The following SNX13 variants were observed in gnomAD, a reference collection of about 807,000 sequenced individuals.
SNX13 encodes the protein sorting nexin 13.
In SNX13, 45 loss-of-function variants were observed where a neutral mutation model predicts 133.6. The ratio of observed to expected loss-of-function variants is 0.34; its 90% CI spans 0.27 to 0.43. SNX13 has a LOEUF of 0.43. Among genes scored for constraint, SNX13 ranks in the 20% least tolerant of loss-of-function variants. The probability of loss-of-function intolerance (pLI) is 1.00; values close to 1 mark genes in which losing one functional copy is unlikely to be tolerated. For missense variants in SNX13, 1,032 were observed against 1,145.1 expected (o/e 0.90, Z 1.43); for synonymous variants, 414 against 373.9 (o/e 1.11, Z -1.24).
intron 13 of SNX13, among the ~76,000 whole-genome samples, chr7:17,839,588 T>C (rs1583431213): frequency 6.6e-6 from 1 of 152,046 alleles, no homozygotes; most frequent in East Asian, 1.9e-4. Context: ...ACCTTGAATC[T>C]TATTCTATCA....
intron 11 of SNX13, among the ~76,000 whole-genome samples, chr7:17,848,088 A>G (rs530606524): frequency 9.9e-5 from 15 of 151,956 alleles, no homozygotes; most frequent in South Asian, 2.1e-4. Flanking sequence ...ATGGCCGCAC[A>G]CCACCCCATC....
intron 18 of SNX13, 106 bp from the exon 19 acceptor site, chr7:17,816,395 C>A (rs1248620469): frequency 7.5e-7 from 1 of 1,334,914 alleles, no homozygotes. Flanking sequence ...GGTGCGGTGG[C>A]TCACGCCTGT....
At chr7:17,856,191 T>C (rs992606792) in intron 9 of SNX13, among the ~76,000 whole-genome samples, 2 of 152,230 alleles carry the variant, frequency 1.3e-5, no homozygotes, top group Non-Finnish European at 2.9e-5. Context: ...AAGTTTAAAG[T>C]TCTTTACAAT....
chr7:17,871,891 AC>A (rs1794163458), intron 8 of SNX13, among the ~76,000 whole-genome samples: 1 of 152,152 alleles, frequency 6.6e-6, no homozygotes, highest in Non-Finnish European at 1.5e-5. Context: ...CTACATGCGA[AC>A]CTATAAGCCT....
chr7:17,927,965 TCA>T (rs1201090638), intron 1 of SNX13, among the ~76,000 whole-genome samples: 1 of 152,114 alleles, frequency 6.6e-6, no homozygotes, highest in Non-Finnish European at 1.5e-5. Flanking sequence ...CAGGCCATAT[TCA>T]CAAATGTCCC....
At chr7:17,825,856 CAAAT>C (rs1201995324) in intron 17 of SNX13, among the ~76,000 whole-genome samples, 162 bp downstream of exon 17, 1 of 151,600 alleles carries the variant, frequency 6.6e-6, no homozygotes, top group East Asian at 1.9e-4. Context: ...AATACATAAG[CAAAT>C]AAATATAGCA....
At position 17,791,518 on chromosome 7, in the gene SNX13, A is replaced by AT. The variant is rs147052684; in HGVS notation, c.*2526dup. On this transcript the variant is annotated 3_prime_UTR_variant, in exon 26 of 26. Coordinates refer to ENST00000428135, the MANE Select transcript of SNX13 (RefSeq NM_015132.5). ...GTGATATATTTAAATAATACAATCA[A>AT]TTTTTTAAGGTGAATAAACTATGAT... The AT allele has an allele frequency of 6.6e-6, 1 of 151,980 alleles. No homozygotes were observed. The highest frequency in any genetic ancestry group is 1.5e-5 in the Non-Finnish European group (1 of 67,902). The allele number at this position is 151,980 out of a possible 1,614,324, so 9.4% of individuals were successfully genotyped here.
intron 5 of SNX13, chr7:17,888,699 T>C (rs1480497188): frequency 2.1e-6 from 1 of 470,774 alleles, no homozygotes; most frequent in Non-Finnish European, 4.4e-6. Flanking sequence ...GACTTTGTTT[T>C]ATTCACTGCT....
chr7:17,838,378 T>C (rs1789403830), intron 13 of SNX13, among the ~76,000 whole-genome samples: 1 of 151,952 alleles, frequency 6.6e-6, no homozygotes, highest in Non-Finnish European at 1.5e-5. Context: ...CATTTTTTCA[T>C]GGCCAGTCTA....
intron 15 of SNX13, chr7:17,832,038 A>G (rs897116368): frequency 2.0e-6 from 2 of 983,676 alleles, no homozygotes; most frequent in African/African-American, 1.8e-5. Context: ...ACAAAATATT[A>G]GAGAGCAATG....
intron 11 of SNX13, among the ~76,000 whole-genome samples, chr7:17,847,319 G>A (rs1254635967): frequency 1.3e-5 from 2 of 151,880 alleles, no homozygotes; most frequent in East Asian, 3.9e-4. Context: ...CTAAATTTAA[G>A]GGTTTTTTTG....
At chr7:17,894,881 A>G (rs1412826237) in intron 2 of SNX13, among the ~76,000 whole-genome samples, 3 of 152,214 alleles carry the variant, frequency 2.0e-5, no homozygotes, top group Non-Finnish European at 2.9e-5. Flanking sequence ...CAGTACAAGT[A>G]TCACAAAAGC....
intron 17 of SNX13, among the ~76,000 whole-genome samples, chr7:17,823,448 T>C (rs893035145): frequency 6.6e-6 from 1 of 152,186 alleles, no homozygotes; most frequent in Admixed American, 6.5e-5. Flanking sequence ...TTTGGTAAAT[T>C]AATAACATAA....
rs566672108 is a variant in SNX13, at chr7:17,908,470, C to A, written c.13-11024G>T. On this transcript the variant is annotated intron_variant, in intron 1 of 25. Coordinates refer to ENST00000428135, the MANE Select transcript of SNX13 (RefSeq NM_015132.5). ...CTAGCAAAAAATTCTATCAAGTTCC[C>A]CTCAAGAACCAGCTGAAATTGTTAT... 2.6e-5 allele frequency among the ~76,000 whole-genome samples: 4 copies of A among 152,220 alleles called. No individual in the cohort carries two copies. In the South Asian group the frequency reaches 6.2e-4, roughly 24 times the overall value.
At chr7:17,901,503 C>A (rs1797839657) in intron 1 of SNX13, among the ~76,000 whole-genome samples, 1 of 152,106 alleles carries the variant, frequency 6.6e-6, no homozygotes, top group South Asian at 2.1e-4. Context: ...TGGGCAATTC[C>A]CTCTGCCTAG....
chr7:17,809,282 C>CAAAAAA (rs535077123), intron 20 of SNX13, among the ~76,000 whole-genome samples: 16 of 49,278 alleles, frequency 3.2e-4, no homozygotes, highest in African/African-American at 4.1e-4. Context: ...AGATGGAAAG[C>CAAAAAA]AAAAAAAAAA....
chr7:17,839,975 T>G lies in SNX13; in HGVS notation c.1191A>C (p.Gln397His). Residue 397 changes from glutamine (Q) to histidine (H), a missense_variant, in exon 13 of 26, where the codon CAA becomes CAC. Coordinates refer to ENST00000428135, the MANE Select transcript of SNX13 (RefSeq NM_015132.5). ...FMDYMQQTGG[Q>H]AHLFFWMTVE... ...CTGTCATCCAAAAGAATAGATGTGC[T>G]TGACCTCCAGTTTGCTGCATGTAAT... 2 of 1,610,104 alleles carry G rather than the reference T, an allele frequency of 1.2e-6. No individual in the cohort carries two copies. Among genetic ancestry groups the G allele is most frequent in the Non-Finnish European group, 1.7e-6 (2 of 1,177,760 alleles).
At chr7:17,895,198 G>C (rs1450991479) in intron 2 of SNX13, among the ~76,000 whole-genome samples, 3 of 152,122 alleles carry the variant, frequency 2.0e-5, no homozygotes, top group Admixed American at 6.5e-5. Flanking sequence ...AAGATAAAGA[G>C]CAGTCTGATT....
intron 1 of SNX13, among the ~76,000 whole-genome samples, chr7:17,933,515 C>A (rs1231083072): frequency 2.0e-5 from 3 of 151,588 alleles, no homozygotes; most frequent in Non-Finnish European, 2.9e-5. Flanking sequence ...TGCACTCCAG[C>A]CTGGGCAACA....
Sources: allele counts gnomAD v4.1 joint callset (sites outside exome capture counted in the v4.1 genomes callset), GRCh38; gene constraint gnomAD v4.1.1; transcripts MANE v1.5; gene names NCBI Gene and HGNC (gene_info 2026-07-23, HGNC 2026-07-21).